Variants in CSNK1D observed in about 807,000 individuals in gnomAD.
CSNK1D encodes casein kinase 1 delta.
Under a neutral mutation model 46.6 loss-of-function variants are expected in CSNK1D, and 16 were observed. The observed-to-expected ratio is 0.34, with a 90% confidence interval of 0.23 to 0.52. The LOEUF (loss-of-function observed/expected upper bound fraction) is 0.52. Among genes scored for constraint, CSNK1D ranks in the 20% least tolerant of loss-of-function variants. The pLI is 0.95. For missense variants in CSNK1D, 398 were observed against 578.4 expected, an observed-to-expected ratio of 0.69 and a Z score of 3.20; for synonymous variants, 276 against 228.2, an observed-to-expected ratio of 1.21 and a Z score of -1.89.
chr17:82,266,205 C>G (rs1233492002), intron 1 of CSNK1D, among the ~76,000 whole-genome samples: 1 of 152,148 alleles, frequency 6.6e-6, no homozygotes, highest in Non-Finnish European at 1.5e-5. Context: ...GATAGGCCTC[C>G]GAGGGGGTGG....
Position 82,249,676 on chromosome 17 carries a change from G to A in CSNK1D, c.886-74C>T, listed in dbSNP as rs2050949786. On this transcript the variant is annotated intron_variant, in intron 6 of 8. Transcript: ENST00000314028. This position sits in a 1 kb window ranked among gnomAD's most constrained non-coding sequence, Gnocchi z 6.7. Reference sequence around the variant, plus strand: ...GCAACCCTAGGTCCTAGGCTGCCCCGGCCACGTGAGAAAATACCTACCAAA... The same window carrying A: ...GCAACCCTAGGTCCTAGGCTGCCCCAGCCACGTGAGAAAATACCTACCAAA... 11 of 1,534,084 alleles carry A rather than the reference G, an allele frequency of 7.2e-6. No individual in the cohort carries two copies. Among genetic ancestry groups the A allele is most frequent in the Admixed American group, 2.0e-5 (1 of 50,922 alleles).
rs1260112684 is a variant in CSNK1D, at chr17:82,250,952, A to C, written c.885+427T>G. Reference sequence around the variant, plus strand: ...AGAAAGCCACAGGGAAAATCAGCTCATGACAGGGTCAGTCAGGCTAGACGG... The same window carrying C: ...AGAAAGCCACAGGGAAAATCAGCTCCTGACAGGGTCAGTCAGGCTAGACGG... On this transcript the variant is annotated intron_variant, in intron 6 of 8. Coordinates refer to ENST00000314028, the MANE Select transcript of CSNK1D (RefSeq NM_001893.6). The surrounding 1 kb of genome is among the most constrained non-coding windows in gnomAD (Gnocchi z 4.6). 10 of 272,788 alleles carry C rather than the reference A, an allele frequency of 3.7e-5. No individual in the cohort carries two copies. Among genetic ancestry groups the C allele is most frequent in the Non-Finnish European group, 7.2e-5 (10 of 138,550 alleles). The allele number at this position is 272,788 out of a possible 1,614,324, so 16.9% of individuals were successfully genotyped here. A position where few individuals can be genotyped will look rare whatever the true frequency, so the allele number is the denominator to read the frequency against.
Position 82,244,581 on chromosome 17 carries a change from G to A in CSNK1D, c.*200C>T. ...AACCGAGTTCACGTGGGGGGCCGCA[G>A]TGCAGCCCCAGCGGTGGCAGCTCTT... On this transcript the variant is annotated 3_prime_UTR_variant, in exon 9 of 9. Transcript: ENST00000314028. The A allele has an allele frequency of 6.6e-7, 1 of 1,506,378 alleles. No individual in the cohort carries two copies. The highest frequency in any genetic ancestry group is 8.9e-7 in the Non-Finnish European group (1 of 1,128,626). 93.3% of individuals were successfully genotyped at this position (1,506,378 alleles called of 1,614,324 possible).
Position 82,249,837 on chromosome 17 carries a change from C to T in CSNK1D, c.886-235G>A. 1 of 1,429,756 alleles carries T rather than the reference C, an allele frequency of 7.0e-7. No homozygotes were observed. The allele number at this position is 1,429,756 out of a possible 1,614,324, so 88.6% of individuals were successfully genotyped here. ...CAACAATCGAAAAAACCCCACTCGC[C>T]ATGGCATCTCCCTGTGGGCTCAGAA... is the stretch of plus-strand genomic sequence containing the variant. On this transcript the variant is annotated intron_variant, in intron 6 of 8. Transcript: ENST00000314028. The surrounding 1 kb of genome is among the most constrained non-coding windows in gnomAD (Gnocchi z 6.7).
At position 82,251,187 on chromosome 17, in the gene CSNK1D, TTAC is replaced by T; in HGVS notation, c.885+189_885+191del. The T allele has an allele frequency of 1.6e-6, 1 of 644,278 alleles. No individual in the cohort carries two copies. The highest frequency in any genetic ancestry group is 2.8e-5 in the East Asian group (1 of 35,276). The allele number at this position is 644,278 out of a possible 1,614,324, so 39.9% of individuals were successfully genotyped here. A position where few individuals can be genotyped will look rare whatever the true frequency, so the allele number is the denominator to read the frequency against. ...CCCCTCTGCGTTCCCTAATGGCGTCTTACTTCTTGGCACCCCTTTCTGGCAGGC... is the reference window on the plus strand; with the variant it reads ...CCCCTCTGCGTTCCCTAATGGCGTCTTTCTTGGCACCCCTTTCTGGCAGGC... On this transcript the variant is annotated intron_variant, in intron 6 of 8. Transcript: ENST00000314028. This position sits in a 1 kb window ranked among gnomAD's most constrained non-coding sequence, Gnocchi z 4.5.
chr17:82,259,257 T>C (rs1464783040), intron 2 of CSNK1D, among the ~76,000 whole-genome samples: 2 of 152,274 alleles, frequency 1.3e-5, no homozygotes, highest in African/African-American at 4.8e-5. Context: ...ACCAATTAAA[T>C]TGTTGGTTTA....
chr17:82,239,408 G>C (rs1013932765), downstream of CSNK1D: 43 of 176,352 alleles, frequency 2.4e-4, no homozygotes, highest in Non-Finnish European at 1.2e-4. Context: ...CACCCCTCTT[G>C]AGTGTCTTGG....
chr17:82,245,347 C>T (rs756140813), intron 8 of CSNK1D: 17 of 251,132 alleles, frequency 6.8e-5, no homozygotes, highest in Non-Finnish European at 1.0e-4. Flanking sequence ...GGCCATGCAC[C>T]GACGGCGGGG....
intron 1 of CSNK1D, among the ~76,000 whole-genome samples, chr17:82,272,806 A>G (rs1472719760): frequency 2.0e-5 from 3 of 152,198 alleles, no homozygotes; most frequent in Non-Finnish European, 4.4e-5. Context: ...CGGAAGAAAG[A>G]GCGTGGCCTT....
intron 2 of CSNK1D, among the ~76,000 whole-genome samples, chr17:82,260,552 CTGA>C (rs1167995762): frequency 6.7e-6 from 1 of 149,506 alleles, no homozygotes; most frequent in Non-Finnish European, 1.5e-5. Context: ...AGTGATGTGA[CTGA>C]TGGTGTACTG....
intron 1 of CSNK1D, among the ~76,000 whole-genome samples, chr17:82,271,821 T>C (rs879761215): frequency 2.0e-5 from 3 of 152,202 alleles, no homozygotes; most frequent in South Asian, 2.1e-4. Flanking sequence ...CTAAAAGGTA[T>C]GACCAGAGGC....
intron 2 of CSNK1D, among the ~76,000 whole-genome samples, chr17:82,257,511 TTAAG>T (rs1205379294): frequency 6.6e-6 from 1 of 152,296 alleles, no homozygotes; most frequent in East Asian, 1.9e-4. Flanking sequence ...CCCTCACACC[TTAAG>T]TAACTAAGGG....
At chr17:82,241,924 C>T (rs2050746330), downstream of CSNK1D, among the ~76,000 whole-genome samples, 1 of 152,130 alleles carries the variant, frequency 6.6e-6, no homozygotes, top group Admixed American at 6.5e-5. Context: ...CTACACCGTT[C>T]TTAGAGCAAC....
Position 82,244,365 on chromosome 17 carries a change from T to C in CSNK1D, c.*416A>G. The stretch of plus-strand genomic sequence containing the variant: ...CAAGAAACAATAAAAAGACAGATTT[T>C]CTTTACACAGATTTAAGCCAATAAT... On this transcript the variant is annotated 3_prime_UTR_variant, in exon 9 of 9. Transcript: ENST00000314028. The C allele has an allele frequency of 1.8e-6, 2 of 1,112,768 alleles. No homozygotes were observed. The highest frequency in any genetic ancestry group is 2.2e-6 in the Non-Finnish European group (2 of 903,444). The allele number at this position is 1,112,768 out of a possible 1,614,324, so 68.9% of individuals were successfully genotyped here. A position where few individuals can be genotyped will look rare whatever the true frequency, so the allele number is the denominator to read the frequency against.
rs539102639 is a variant in CSNK1D at position 82,249,612 on chromosome 17, C to A, written c.886-10G>T. On this transcript the variant is annotated splice_polypyrimidine_tract_variant and intron_variant, in intron 6 of 8. Coordinates refer to ENST00000314028, the MANE Select transcript of CSNK1D (RefSeq NM_001893.6). This position sits in a 1 kb window ranked among gnomAD's most constrained non-coding sequence, Gnocchi z 6.7. ...CGGCCCGGCTGGCACCCTGAGGAGG[C>A]AGGAGGTGAGGCCGGAATGGAACCA... 1.8e-5 allele frequency: 28 copies of A among 1,559,878 alleles called. No individual in the cohort carries two copies. The African/African-American group carries it at 3.1e-4, about 17-fold the overall frequency.
chr17:82,240,931 A>AG (rs2050734011), downstream of CSNK1D, among the ~76,000 whole-genome samples: 1 of 152,096 alleles, frequency 6.6e-6, no homozygotes, highest in Non-Finnish European at 1.5e-5. Flanking sequence ...GACAGGCAGG[A>AG]GTGAAGGGGA....
chr17:82,250,308 G>GC lies in CSNK1D; in HGVS notation c.886-707dup, dbSNP rs2050969174. ...CATTGGACACAGCCACGTTCACCAG[G>GC]CAACACACAGACCGACACACCTGCG... On this transcript the variant is annotated intron_variant, in intron 6 of 8. Coordinates refer to ENST00000314028, the MANE Select transcript of CSNK1D (RefSeq NM_001893.6). This position sits in a 1 kb window ranked among gnomAD's most constrained non-coding sequence, Gnocchi z 4.6. The GC allele has an allele frequency of 7.4e-6, 6 of 813,654 alleles. No homozygotes were observed. Among genetic ancestry groups the GC allele is most frequent in the South Asian group, 7.3e-5 (5 of 68,442 alleles). 50.4% of individuals were successfully genotyped at this position (813,654 alleles called of 1,614,324 possible). A position where few individuals can be genotyped will look rare whatever the true frequency, so the allele number is the denominator to read the frequency against.
rs757659871 is a variant in CSNK1D, at chr17:82,260,198, ATGG to A, written c.188-4624_188-4622del. Among the ~76,000 whole-genome samples the A allele has an allele frequency of 1.6e-4, 24 of 148,218 alleles. No homozygotes were observed. The South Asian group carries it at 5.2e-3, about 32-fold the overall frequency. On this transcript the variant is annotated intron_variant, in intron 2 of 8. Transcript: ENST00000314028. ...CTGATGGTGTACTGAGTGGTGACTG[ATGG>A]TGTACTGACTGATGTGACTGATGGT...
In CSNK1D at chr17:82,249,753, C is replaced by T. The variant is rs527667694; in HGVS notation, c.886-151G>A. 13 of 1,487,582 alleles carry T rather than the reference C, an allele frequency of 8.7e-6. No homozygotes were observed. In the East Asian group the frequency reaches 2.5e-4, roughly 28 times the overall value. 92.1% of individuals were successfully genotyped at this position (1,487,582 alleles called of 1,614,324 possible). ...AGCCCCCCACAGGCTGCACGTTTCT[C>T]CTCATGGGATGACAGCATCATCCCC... On this transcript the variant is annotated intron_variant, in intron 6 of 8. Transcript: ENST00000314028. This position sits in a 1 kb window ranked among gnomAD's most constrained non-coding sequence, Gnocchi z 6.7.
Sources: gnomAD v4.1 joint callset for allele counts (sites outside exome capture counted in the v4.1 genomes callset) on GRCh38, gnomAD v4.1.1 for gene constraint, Gnocchi (gnomAD v3.1) non-coding constraint, MANE v1.5 for transcripts, NCBI Gene and HGNC (gene_info 2026-07-23, HGNC 2026-07-21) for gene names.